The following CCSER2 variants were observed in gnomAD, a reference collection of about 807,000 sequenced individuals.
CCSER2 encodes the protein serine-rich coiled-coil domain-containing protein 2.
Under a neutral mutation model 92.3 loss-of-function variants are expected in CCSER2, and 46 were observed. That is an observed-to-expected ratio of 0.50 (90% CI 0.39 to 0.64). The LOEUF is 0.64. Among genes scored for constraint, CCSER2 ranks in the 30% least tolerant of loss-of-function variants. CCSER2 has a pLI of 0.00. For missense variants in CCSER2, 1,244 were observed against 1,238.9 expected, an observed-to-expected ratio of 1.00 and a Z score of -0.06; for synonymous variants, 433 against 431.4, an observed-to-expected ratio of 1.00 and a Z score of -0.04.
chr10:84,422,061 G>A (rs1396786838), intron 4 of CCSER2, among the ~76,000 whole-genome samples: 1 of 152,172 alleles, frequency 6.6e-6, no homozygotes, highest in East Asian at 1.9e-4. Context: ...TAGGTTTTAG[G>A]GCTTCCTTTG....
At chr10:84,398,426 T>C (rs1357370306) in intron 3 of CCSER2, among the ~76,000 whole-genome samples, 2 of 152,230 alleles carry the variant, frequency 1.3e-5, no homozygotes, top group East Asian at 3.8e-4. Flanking sequence ...AGGAAAATTA[T>C]TTCATTTCTC....
intron 3 of CCSER2, among the ~76,000 whole-genome samples, chr10:84,416,353 G>A (rs1842886031): frequency 2.6e-5 from 4 of 152,114 alleles, no homozygotes; most frequent in Non-Finnish European, 5.9e-5. Flanking sequence ...CTCTCCGTGA[G>A]TGCCGCAGAC....
At chr10:84,344,445 A>G (rs1280652297) in intron 1 of CCSER2, among the ~76,000 whole-genome samples, 2 of 149,408 alleles carry the variant, frequency 1.3e-5, no homozygotes, top group Admixed American at 1.3e-4. Context: ...GTTGATCTTT[A>G]TTTACCTCTG....
intron 1 of CCSER2, among the ~76,000 whole-genome samples, chr10:84,347,365 GC>G (rs896176823): frequency 9.9e-5 from 15 of 151,890 alleles, no homozygotes; most frequent in Admixed American, 2.6e-4. Flanking sequence ...GGGCAGAGGT[GC>G]CCCCCCACCT....
intron 3 of CCSER2, among the ~76,000 whole-genome samples, chr10:84,383,228 A>G (rs1841008193): frequency 6.6e-6 from 1 of 152,148 alleles, no homozygotes; most frequent in African/African-American, 2.4e-5. Context: ...ATTGCTCTCT[A>G]ATTTTGTATC....
intron 3 of CCSER2, among the ~76,000 whole-genome samples, chr10:84,384,928 A>G (rs1295827094): frequency 6.6e-6 from 1 of 152,134 alleles, no homozygotes; most frequent in Non-Finnish European, 1.5e-5. Flanking sequence ...CAAAATTAAT[A>G]TACAAAAATT....
intron 6 of CCSER2, among the ~76,000 whole-genome samples, chr10:84,449,581 G>A (rs542398611): frequency 2.6e-5 from 4 of 152,258 alleles, no homozygotes; most frequent in East Asian, 1.9e-4. Flanking sequence ...GGCTGGGGGC[G>A]GTGGCTCATG....
chr10:84,369,610 G>A (rs534713319), intron 1 of CCSER2, among the ~76,000 whole-genome samples: 1 of 152,030 alleles, frequency 6.6e-6, no homozygotes. Flanking sequence ...CCATTCTGTG[G>A]GTTGTCTGTT....
chr10:84,417,102 C>A (rs1203923222), intron 3 of CCSER2, among the ~76,000 whole-genome samples: 2 of 152,150 alleles, frequency 1.3e-5, no homozygotes, highest in African/African-American at 4.8e-5. Context: ...TTACCTTAAC[C>A]TTAGTTTTTG....
At chr10:84,426,575 T>G (rs1843445263) in intron 5 of CCSER2, among the ~76,000 whole-genome samples, 1 of 152,198 alleles carries the variant, frequency 6.6e-6, no homozygotes, top group Admixed American at 6.5e-5. Flanking sequence ...CCTAGAGTAG[T>G]GTCTAGTTTA....
chr10:84,341,296 A>G (rs1222398007), intron 1 of CCSER2, among the ~76,000 whole-genome samples: 6 of 149,182 alleles, frequency 4.0e-5, no homozygotes, highest in African/African-American at 1.5e-4. Context: ...GGCCTCCCAA[A>G]GTGTTAGAAT....
intron 9 of CCSER2, among the ~76,000 whole-genome samples, chr10:84,510,840 C>T (rs1171532448): frequency 1.3e-5 from 2 of 152,140 alleles, no homozygotes; most frequent in Non-Finnish European, 2.9e-5. Flanking sequence ...TCCATGTAGT[C>T]TTCCACATAC....
chr10:84,488,884 A>G (rs1847970607), intron 9 of CCSER2, among the ~76,000 whole-genome samples: 1 of 152,180 alleles, frequency 6.6e-6, no homozygotes, highest in African/African-American at 2.4e-5. Flanking sequence ...TTAGTGCTAT[A>G]AATTTCCCTC....
intron 1 of CCSER2, among the ~76,000 whole-genome samples, chr10:84,336,706 T>C (rs935084892): frequency 6.6e-6 from 1 of 152,090 alleles, no homozygotes; most frequent in African/African-American, 2.4e-5. Flanking sequence ...ATATATGGCA[T>C]TGTAGGCCAG....
intron 1 of CCSER2, among the ~76,000 whole-genome samples, chr10:84,356,999 G>A (rs1033933832): frequency 2.6e-5 from 4 of 152,184 alleles, no homozygotes; most frequent in Non-Finnish European, 5.9e-5. Flanking sequence ...AACCAGTTAG[G>A]TGCCAGCCTA....
chr10:84,372,287 A>G lies in CCSER2; in HGVS notation c.1235A>G (p.Glu412Gly). 2.5e-6 allele frequency: 4 copies of G among 1,613,108 alleles called. No homozygotes were observed. Among genetic ancestry groups the G allele is most frequent in the Non-Finnish European group, 8.5e-7 (1 of 1,179,264 alleles). ...LSSSDKNDLSEDFSDDFIDIE... is the reference protein window; with the variant it reads ...LSSSDKNDLSGDFSDDFIDIE... ...TCTTCTGATAAGAATGATTTAAGTG[A>G]AGACTTTAGTGATGATTTTATAGAT... Residue 412 changes from glutamate to glycine, a missense_variant, in exon 2 of 10, where the codon GAA becomes GGA. Glu to Gly is a moderately conservative substitution (Grantham distance 98). Transcript: ENST00000372088.
chr10:84,420,373 G>T (rs1029946278), intron 4 of CCSER2, among the ~76,000 whole-genome samples: 1 of 152,144 alleles, frequency 6.6e-6, no homozygotes, highest in African/African-American at 2.4e-5. Context: ...AAGCATGTAA[G>T]AACATGGATC....
chr10:84,396,097 C>T (rs1841815904), intron 3 of CCSER2, among the ~76,000 whole-genome samples: 1 of 151,938 alleles, frequency 6.6e-6, no homozygotes, highest in Non-Finnish European at 1.5e-5. Flanking sequence ...AGAATTTGTT[C>T]TAGCCTTTCT....
At chr10:84,499,829 G>T (rs1278883620) in intron 9 of CCSER2, 13 of 1,597,772 alleles carry the variant, frequency 8.1e-6, no homozygotes, top group South Asian at 3.3e-5. Flanking sequence ...CTATTTTTTG[G>T]TTCCCTTTTT....
Sources: allele counts gnomAD v4.1 joint callset (sites outside exome capture counted in the v4.1 genomes callset), GRCh38; gene constraint gnomAD v4.1.1; transcripts MANE v1.5; gene names NCBI Gene and HGNC (gene_info 2026-07-23, HGNC 2026-07-21).